PLCZ1: variants seen among roughly 807,000 people sequenced by gnomAD.
PLCZ1 encodes phospholipase C zeta 1.
In PLCZ1, 64 loss-of-function variants were observed where a neutral mutation model predicts 76.8. The ratio of observed to expected loss-of-function variants is 0.83; its 90% confidence interval spans 0.68 to 1.03. PLCZ1 has a LOEUF of 1.03. Among genes scored for constraint, PLCZ1 ranks in the 50% least tolerant of loss-of-function variants. PLCZ1 has a pLI of 0.00. For missense variants in PLCZ1, 751 were observed against 713.7 expected (o/e 1.05, Z -0.60); for synonymous variants, 248 against 230.8 (o/e 1.07, Z -0.68).
At chr12:18,663,680 G>T in the PLCZ1 span, among the ~76,000 whole-genome samples, 1 of 151,914 alleles carries the variant, frequency 6.6e-6, no homozygotes, top group Non-Finnish European at 1.5e-5. Context: ...TTATGATGTT[G>T]GATTTGGCAA....
intron 6 of PLCZ1, among the ~76,000 whole-genome samples, chr12:18,712,269 T>C (rs1251613920): frequency 6.6e-6 from 1 of 152,150 alleles, no homozygotes; most frequent in Non-Finnish European, 1.5e-5. Context: ...CTCCTTAACA[T>C]TGAGGGATTG....
intron 5 of PLCZ1, among the ~76,000 whole-genome samples, chr12:18,717,669 G>A (rs777156249): frequency 6.6e-6 from 1 of 151,870 alleles, no homozygotes; most frequent in Non-Finnish European, 1.5e-5. Flanking sequence ...TTCTCTCTTG[G>A]GCTTCAACAT....
the PLCZ1 span, among the ~76,000 whole-genome samples, chr12:18,663,541 G>A: frequency 6.6e-6 from 1 of 151,936 alleles, no homozygotes; most frequent in Non-Finnish European, 1.5e-5. Context: ...TCCATAGGAG[G>A]TCCTGGAAAT....
At chr12:18,706,477 T>C (rs1346257227) in intron 6 of PLCZ1, among the ~76,000 whole-genome samples, 2 of 152,208 alleles carry the variant, frequency 1.3e-5, no homozygotes, top group Non-Finnish European at 2.9e-5. Context: ...ACTCATTGTT[T>C]TAGAATTAGA....
At chr12:18,678,289 C>T (rs371493009), downstream of PLCZ1, among the ~76,000 whole-genome samples, 11 of 152,156 alleles carry the variant, frequency 7.2e-5, no homozygotes, top group Middle Eastern at 3.4e-3. Flanking sequence ...TACTGGTCAG[C>T]GTGCTCAAAA....
At chr12:18,684,764 C>T (rs886811948) in intron 13 of PLCZ1, among the ~76,000 whole-genome samples, 1 of 151,946 alleles carries the variant, frequency 6.6e-6, no homozygotes, top group African/African-American at 2.4e-5. Flanking sequence ...TATGGTTAAG[C>T]TTTGTGCCCC....
chr12:18,728,049 G>A (rs999006556), intron 3 of PLCZ1, among the ~76,000 whole-genome samples: 3 of 152,114 alleles, frequency 2.0e-5, no homozygotes, highest in Non-Finnish European at 4.4e-5. Flanking sequence ...AATAAAGGAG[G>A]AAAGACAGTT....
chr12:18,711,368 A>C (rs1350597655), intron 6 of PLCZ1, among the ~76,000 whole-genome samples: 1 of 104,158 alleles, frequency 9.6e-6, no homozygotes, highest in African/African-American at 3.9e-5. Flanking sequence ...GGAACATCAC[A>C]CTCTGGGGAC....
chr12:18,696,937 C>G (rs1245102129), intron 10 of PLCZ1, among the ~76,000 whole-genome samples: 2 of 152,108 alleles, frequency 1.3e-5, no homozygotes, highest in Non-Finnish European at 2.9e-5. Flanking sequence ...TACACACAAA[C>G]AGGAACAAAC....
At chr12:18,696,418 G>T (rs1357202355) in intron 10 of PLCZ1, 152 bp from the exon 11 acceptor site, 1 of 209,522 alleles carries the variant, frequency 4.8e-6, no homozygotes, top group African/African-American at 2.7e-5. Context: ...TGCAATTCAT[G>T]AATATCAAAA....
At chr12:18,717,429 T>C (rs1958114254) in intron 5 of PLCZ1, among the ~76,000 whole-genome samples, 1 of 152,174 alleles carries the variant, frequency 6.6e-6, no homozygotes, top group South Asian at 2.1e-4. Flanking sequence ...TTAGAAGATA[T>C]CTTTTCTATT....
the PLCZ1 span, among the ~76,000 whole-genome samples, chr12:18,652,285 T>G: frequency 6.6e-6 from 1 of 152,094 alleles, no homozygotes; most frequent in South Asian, 2.1e-4. Flanking sequence ...CTGATATACT[T>G]ATGAAAGGGA....
At chr12:18,704,846 C>T (rs1386809673) in intron 7 of PLCZ1, among the ~76,000 whole-genome samples, 1 of 151,998 alleles carries the variant, frequency 6.6e-6, no homozygotes, top group Non-Finnish European at 1.5e-5. Flanking sequence ...GAACTTTTGC[C>T]ACTTTCTAGG....
chr12:18,734,088 G>A (rs1306318353), intron 3 of PLCZ1, among the ~76,000 whole-genome samples: 2 of 152,008 alleles, frequency 1.3e-5, no homozygotes, highest in Non-Finnish European at 2.9e-5. Context: ...TATTAACATG[G>A]GATGTGTTTC....
the PLCZ1 span, among the ~76,000 whole-genome samples, chr12:18,664,470 G>A: frequency 0.52 from 78,536 of 151,946 alleles, 21,409 homozygotes; most frequent in South Asian, 0.66. Context: ...ATATACTACA[G>A]CATGGATGAA....
At chr12:18,703,303 A>G (rs758667351) in intron 7 of PLCZ1, among the ~76,000 whole-genome samples, 58 of 152,236 alleles carry the variant, frequency 3.8e-4, no homozygotes, top group Non-Finnish European at 7.2e-4. Context: ...CATCAGCCCT[A>G]TATGTCTTGT....
At chr12:18,710,160 GTC>G (rs1195424779) in intron 6 of PLCZ1, among the ~76,000 whole-genome samples, 1 of 147,720 alleles carries the variant, frequency 6.8e-6, no homozygotes, top group African/African-American at 2.5e-5. Context: ...ATTGCATTTT[GTC>G]TCTTTTTCTT....
At position 18,716,120 on chromosome 12, in the gene PLCZ1, A is replaced by G. The variant is rs188598439; in HGVS notation, c.570-3134T>C. Among the ~76,000 whole-genome samples the G allele has an allele frequency of 9.8e-5, 15 of 152,308 alleles. No individual in the cohort carries two copies. In the East Asian group the frequency reaches 2.7e-3, roughly 27 times the overall value. On this transcript the variant is annotated intron_variant, in intron 5 of 14. Transcript: ENST00000266505. ...TTATTTGTAAAGTTTCTTAATTTCTATGGAAGAATGTTTGCTTTCCTGACT... is the reference window on the plus strand; with the variant it reads ...TTATTTGTAAAGTTTCTTAATTTCTGTGGAAGAATGTTTGCTTTCCTGACT...
the PLCZ1 span, among the ~76,000 whole-genome samples, chr12:18,656,360 G>A: frequency 2.7e-4 from 41 of 151,970 alleles, no homozygotes; most frequent in African/African-American, 9.4e-4. Flanking sequence ...GGTGGATCAC[G>A]AGCTCAGTAG....
Sources: gnomAD v4.1 joint callset for allele counts (sites outside exome capture counted in the v4.1 genomes callset) on GRCh38, gnomAD v4.1.1 for gene constraint, MANE v1.5 for transcripts, NCBI Gene and HGNC (gene_info 2026-07-23, HGNC 2026-07-21) for gene names.